Variants in SLF2 observed in about 807,000 individuals in gnomAD.
The protein encoded by SLF2 is SMC5/6 complex localization factor 2.
In SLF2, 68 loss-of-function variants were observed where a neutral mutation model predicts 124.3. The observed-to-expected ratio is 0.55, with a 90% confidence interval of 0.45 to 0.67. The LOEUF (loss-of-function observed/expected upper bound fraction) is 0.67, where lower values mean the gene tolerates loss of function less well. SLF2 is among the 30% of genes least tolerant of loss of function. SLF2 has a pLI of 0.00. For missense variants in SLF2, 1,246 were observed against 1,373.7 expected, an observed-to-expected ratio of 0.91 and a Z score of 1.47; for synonymous variants, 480 against 478.8, an observed-to-expected ratio of 1.00 and a Z score of -0.03.
At chr10:100,945,845 T>C (rs1343711728) in intron 13 of SLF2, among the ~76,000 whole-genome samples, 1 of 152,242 alleles carries the variant, frequency 6.6e-6, no homozygotes, top group East Asian at 1.9e-4. Flanking sequence ...AAGTAAATGT[T>C]GATTATATTA....
rs373916640 is a variant in SLF2, at chr10:100,916,807, A to C, written c.422A>C (p.Lys141Thr). 1.9e-6 allele frequency: 3 copies of C among 1,614,080 alleles called. No homozygotes were observed. The highest frequency in any genetic ancestry group is 1.7e-5 in the Admixed American group (1 of 59,974). Reference protein sequence around the residue: ...SRRPCLSLASKYLAKGTNIYV... With the variant: ...SRRPCLSLASTYLAKGTNIYV... ...CGGCCTTGTCTGTCACTAGCCTCCA[A>C]ATATTTAGCCAAAGGAACAAATATC... Residue 141 changes from lysine to threonine, a missense_variant, in exon 3 of 20, where the codon AAA becomes ACA. This residue lies in a region of SLF2 where 698 missense variants were observed against 708.9 expected (regional missense o/e 0.98). Transcript: ENST00000238961.
At chr10:100,938,855 A>G in intron 11 of SLF2, 119 bp downstream of exon 11, 1 of 916,180 alleles carries the variant, frequency 1.1e-6, no homozygotes, top group Non-Finnish European at 1.5e-6. Context: ...AGTTGAGATC[A>G]ATCTTGAATT....
intron 4 of SLF2, among the ~76,000 whole-genome samples, chr10:100,923,746 C>T (rs1849560176): frequency 6.6e-6 from 1 of 152,082 alleles, no homozygotes. Context: ...GTAAACTTTT[C>T]ATAGCTTTGG....
intron 6 of SLF2, among the ~76,000 whole-genome samples, chr10:100,928,238 A>G (rs1172933855): frequency 1.3e-5 from 2 of 152,170 alleles, no homozygotes; most frequent in Non-Finnish European, 2.9e-5. Flanking sequence ...GAACTTCACT[A>G]ACAGCTCAGC....
At chr10:100,930,131 G>A (rs539575491) in intron 8 of SLF2, 134 bp downstream of exon 8, 1 of 519,732 alleles carries the variant, frequency 1.9e-6, no homozygotes, top group South Asian at 5.0e-5. Context: ...TATTACTATT[G>A]ATCTTTATGT....
Position 100,965,006 on chromosome 10 carries a change from T to A in SLF2, c.*3094T>A, listed in dbSNP as rs901378331. On this transcript the variant is annotated 3_prime_UTR_variant, in exon 20 of 20. Coordinates refer to ENST00000238961, the MANE Select transcript of SLF2 (RefSeq NM_018121.4). The surrounding 1 kb of genome is among the most constrained non-coding windows in gnomAD (Gnocchi z 4.1). ...CCTGTCAGCCAGTTAATCCACCAGC[T>A]CTTAGGAAGTAAATACAGATTTTTT... 5 of 152,458 alleles carry A rather than the reference T, an allele frequency of 3.3e-5. No individual in the cohort carries two copies. The highest frequency in any genetic ancestry group is 1.2e-4 in the African/African-American group (5 of 41,406). 9.4% of individuals were successfully genotyped at this position (152,458 alleles called of 1,614,324 possible).
rs1029996897 is a variant in SLF2, at chr10:100,964,818, T to C, written c.*2906T>C. 1.3e-5 allele frequency: 2 copies of C among 151,848 alleles called. No individual in the cohort carries two copies. Among genetic ancestry groups the C allele is most frequent in the Non-Finnish European group, 2.9e-5 (2 of 67,964 alleles). 9.4% of individuals were successfully genotyped at this position (151,848 alleles called of 1,614,324 possible). ...GTAGCCCATTAAACAAGCTACTGAG[T>C]TGGAGAATTAGGGGATGACTGTGGT... On this transcript the variant is annotated 3_prime_UTR_variant, in exon 20 of 20. Coordinates refer to ENST00000238961, the MANE Select transcript of SLF2 (RefSeq NM_018121.4).
intron 4 of SLF2, among the ~76,000 whole-genome samples, chr10:100,920,584 A>G (rs184343716): frequency 2.0e-5 from 3 of 152,350 alleles, no homozygotes; most frequent in Non-Finnish European, 4.4e-5. Flanking sequence ...CAGAATTTCA[A>G]CATGTAAAGG....
rs752283411 is a variant in SLF2, at chr10:100,950,164, A to G, written c.3209A>G (p.Asp1070Gly). ...TTGAAGAAAAAGGCTGAACAACCAGATGGCATTATTGATGACAGTCTTCAT... is the reference window on the plus strand; with the variant it reads ...TTGAAGAAAAAGGCTGAACAACCAGGTGGCATTATTGATGACAGTCTTCAT... The part of the protein sequence containing the change: ...MVLKKKAEQP[D>G]GIIDDSLHLE... Residue 1070 changes from aspartate (D) to glycine (G), a missense_variant, in exon 16 of 20, where the codon GAT (aspartate) becomes GGT (glycine). Around this residue, in one of 3 missense-constraint regions of SLF2, gnomAD observed 535 missense variants for 632.8 expected, o/e 0.85. Transcript: ENST00000238961. 1.1e-4 allele frequency: 178 copies of G among 1,613,872 alleles called. No homozygotes were observed. Among genetic ancestry groups the G allele is most frequent in the Non-Finnish European group, 1.4e-4 (168 of 1,179,978 alleles).
chr10:100,913,596 TCTA>T, intron 1 of SLF2: 1 of 1,163,664 alleles, frequency 8.6e-7, no homozygotes. Context: ...CGTTGTCAGT[TCTA>T]CTGATCCTAG....
In SLF2 at chr10:100,947,109, T is replaced by C. The variant is rs1850119953; in HGVS notation, c.3005T>C (p.Leu1002Pro). ...HPHNLLWLVQLVPNWTSRGRQ... is the reference protein window; with the variant it reads ...HPHNLLWLVQPVPNWTSRGRQ... ...CACAACCTCCTGTGGTTGGTACAGCTGGTCCCTAATTGGACATCACGTGGA... is the reference window on the plus strand; with the variant it reads ...CACAACCTCCTGTGGTTGGTACAGCCGGTCCCTAATTGGACATCACGTGGA... The change falls in exon 14 of 20, where the codon CTG becomes CCG. Residue 1002 changes from leucine (L) to proline (P), a missense_variant. This residue lies in a region of SLF2 where 535 missense variants were observed against 632.8 expected (regional missense o/e 0.85). Transcript: ENST00000238961. 1 of 1,591,464 alleles carries C rather than the reference T, an allele frequency of 6.3e-7. No homozygotes were observed. The highest frequency in any genetic ancestry group is 1.8e-5 in the Admixed American group (1 of 54,058).
chr10:100,947,419 C>T (rs1387109443), intron 14 of SLF2, among the ~76,000 whole-genome samples: 3 of 151,610 alleles, frequency 2.0e-5, no homozygotes, highest in African/African-American at 4.8e-5. Context: ...TACCTTAATA[C>T]AGATGACATA....
intron 9 of SLF2, 52 bp downstream of exon 9, chr10:100,931,130 C>A: frequency 7.3e-7 from 1 of 1,375,596 alleles, no homozygotes; most frequent in South Asian, 1.3e-5. Flanking sequence ...ATTTCTAAGT[C>A]AAAAGCTTTT....
chr10:100,929,220 A>T, intron 6 of SLF2, 97 bp from the exon 7 acceptor site: 1 of 1,208,532 alleles, frequency 8.3e-7, no homozygotes, highest in Non-Finnish European at 1.1e-6. Context: ...CAGGGTACTT[A>T]ATAAGGGTTT....
chr10:100,917,051 G>A lies in SLF2; in HGVS notation c.666G>A (p.Leu222=), dbSNP rs1424151053. 1.2e-6 allele frequency: 2 copies of A among 1,614,184 alleles called. No individual in the cohort carries two copies. ...SSRSLSSRSS[L]SRHHPEESPL... Reference sequence around the variant, plus strand: ...GAAGCCTTAGCAGCAGGAGCAGCCTGTCCAGGCACCACCCGGAAGAAAGCC... The same window carrying A: ...GAAGCCTTAGCAGCAGGAGCAGCCTATCCAGGCACCACCCGGAAGAAAGCC... Residue 222 remains leucine, a synonymous_variant, in exon 3 of 20, where the codon CTG becomes CTA. Coordinates refer to ENST00000238961, the MANE Select transcript of SLF2 (RefSeq NM_018121.4).
rs143748124 is a variant in SLF2 at position 100,917,078 on chromosome 10, A to G, written c.693A>G (p.Pro231=). ...SLSRHHPEES[P]LGAKFQLSLA... is the part of the protein sequence containing the mutation. Reference sequence around the variant, plus strand: ...CCAGGCACCACCCGGAAGAAAGCCCACTGGGAGCTAAATTCCAGTTGTCAC... The same window carrying G: ...CCAGGCACCACCCGGAAGAAAGCCCGCTGGGAGCTAAATTCCAGTTGTCAC... The change falls in exon 3 of 20, where the codon CCA becomes CCG. Residue 231 remains proline, a synonymous_variant. Coordinates refer to ENST00000238961, the MANE Select transcript of SLF2 (RefSeq NM_018121.4). 11 of 1,614,212 alleles carry G rather than the reference A, an allele frequency of 6.8e-6. No homozygotes were observed. The African/African-American group carries it at 1.1e-4, about 16-fold the overall frequency.
At chr10:100,943,927 C>T in intron 11 of SLF2, 99 bp from the exon 12 acceptor site, 4 of 682,666 alleles carry the variant, frequency 5.9e-6, no homozygotes, top group Non-Finnish European at 7.2e-6. Flanking sequence ...TAAATTATAC[C>T]TCGATAAAAC....
At chr10:100,920,429 A>C (rs991798484) in intron 4 of SLF2, among the ~76,000 whole-genome samples, 5 of 152,188 alleles carry the variant, frequency 3.3e-5, no homozygotes, top group African/African-American at 7.2e-5. Flanking sequence ...GATGCTTTCT[A>C]CATATTTTCA....
chr10:100,924,406 A>G lies in SLF2; in HGVS notation c.1405A>G (p.Lys469Glu), dbSNP rs1447731704. ...NKTASSTTKEKETKLPLLSRV... is the reference protein window; with the variant it reads ...NKTASSTTKEEETKLPLLSRV... ...AACCGCTAGCTCCACGACAAAGGAG[A>G]AGGAGACAAAACTACCTTTACTTTC... The change falls in exon 5 of 20, where the codon AAG becomes GAG. Residue 469 changes from lysine (K) to glutamate (E), a missense_variant. Lys to Glu is a moderately conservative substitution (Grantham distance 56). Coordinates refer to ENST00000238961, the MANE Select transcript of SLF2 (RefSeq NM_018121.4). 6.2e-7 allele frequency: 1 copy of G among 1,614,144 alleles called. No individual in the cohort carries two copies. The highest frequency in any genetic ancestry group is 1.1e-5 in the South Asian group (1 of 91,078).
Sources: allele counts gnomAD v4.1 joint callset (sites outside exome capture counted in the v4.1 genomes callset), GRCh38; gene constraint gnomAD v4.1.1; regional missense constraint gnomAD v4.1.1; non-coding constraint Gnocchi (gnomAD v3.1); transcripts MANE v1.5; gene names NCBI Gene and HGNC (gene_info 2026-07-23, HGNC 2026-07-21).